UAP1L1: variants seen among roughly 807,000 people sequenced by gnomAD.
UAP1L1 encodes UDP-N-acetylglucosamine pyrophosphorylase 1 like 1, also known as UDP-N-acetylhexosamine pyrophosphorylase-like protein 1.
Under a neutral mutation model 45.3 loss-of-function variants are expected in UAP1L1, and 45 were observed. That is an observed-to-expected ratio of 0.99 (90% CI 0.78 to 1.27). UAP1L1 has a LOEUF of 1.27. Ranked by LOEUF, UAP1L1 falls within the 50% of genes most tolerant of loss-of-function variation. The pLI is 0.00. For missense variants in UAP1L1, 667 were observed against 694.0 expected (o/e 0.96, Z 0.44); for synonymous variants, 323 against 303.9 (o/e 1.06, Z -0.65).
chr9:137,079,086 CG>C lies in UAP1L1; in HGVS notation c.783del (p.Leu262TrpfsTer91). The C allele has an allele frequency of 1.2e-6, 2 of 1,611,352 alleles. No individual in the cohort carries two copies. Among genetic ancestry groups the C allele is most frequent in the Non-Finnish European group, 1.7e-6 (2 of 1,179,448 alleles). ...GTACTGTGTGGACAACATCCTGGTG[CG>C]GCTGGCGGACCCTGTCTTCATCGGC... ...HVYCVDNILV[R>X]LADPVFIGFC... is the part of the protein sequence containing the mutation. On this transcript the variant is annotated frameshift_variant, in exon 4 of 9. Transcript: ENST00000409858. LOFTEE classifies it high-confidence loss of function.
At chr9:137,080,556 G>A (rs1025823925) in intron 6 of UAP1L1, 133 bp from the exon 7 acceptor site, 11 of 871,656 alleles carry the variant, frequency 1.3e-5, no homozygotes, top group Middle Eastern at 2.7e-4. Context: ...CAGTACCTGC[G>A]GGGGCTCCTC....
Position 137,077,648 on chromosome 9 carries a change from C to A in UAP1L1, c.116C>A (p.Ala39Glu), listed in dbSNP as rs913626141. 5.4e-6 allele frequency: 7 copies of A among 1,302,446 alleles called. No individual in the cohort carries two copies. Among genetic ancestry groups the A allele is most frequent in the Non-Finnish European group, 6.9e-6 (7 of 1,012,728 alleles). The allele number at this position is 1,302,446 out of a possible 1,614,324, so 80.7% of individuals were successfully genotyped here. ...EPRAALLAEL[A>E]LLEPEALREH... is the part of the protein sequence containing the mutation. The stretch of plus-strand genomic sequence containing the variant: ...CGAGCCGCGCTGCTGGCGGAGCTGG[C>A]GCTGCTGGAGCCCGAGGCGCTGCGC... Residue 39 changes from alanine to glutamate, a missense_variant, in exon 1 of 9, where the codon GCG (alanine) becomes GAG (glutamate). Ala to Glu is a moderately radical substitution (Grantham distance 107). Coordinates refer to ENST00000409858, the MANE Select transcript of UAP1L1 (RefSeq NM_207309.3). The surrounding 1 kb of genome is among the most constrained non-coding windows in gnomAD (Gnocchi z 4.7).
At chr9:137,078,280 C>T in intron 2 of UAP1L1, 26 bp downstream of exon 2, 1 of 1,520,116 alleles carries the variant, frequency 6.6e-7, no homozygotes, top group Non-Finnish European at 8.8e-7. Flanking sequence ...CCTACCTCGG[C>T]CCGGAGGTAC....
At chr9:137,080,993 G>T in intron 7 of UAP1L1, 119 bp downstream of exon 7, 1 of 1,051,582 alleles carries the variant, frequency 9.5e-7, no homozygotes, top group Non-Finnish European at 1.3e-6. Flanking sequence ...TTCCTTCCCG[G>T]CACCACCGCA....
Position 137,078,546 on chromosome 9 carries a change from T to G in UAP1L1, c.539T>G (p.Phe180Cys). 1 of 1,613,186 alleles carries G rather than the reference T, an allele frequency of 6.2e-7. No homozygotes were observed. The highest frequency in any genetic ancestry group is 2.2e-5 in the East Asian group (1 of 44,882). Residue 180 changes from phenylalanine to cysteine, a missense_variant, in exon 3 of 9, where the codon TTC becomes TGC. Transcript: ENST00000409858. The stretch of plus-strand genomic sequence containing the variant: ...TTCACTCTGGGGCCCACGGCCGAGT[T>G]CTTCAGGGAGCACAACTTCTTCCAC... ...SEFTLGPTAE[F>C]FREHNFFHLD...
At chr9:137,079,723 G>GTC in intron 5 of UAP1L1, 1 of 584,210 alleles carries the variant, frequency 1.7e-6, no homozygotes, top group East Asian at 2.9e-5. Context: ...GACCTGCCCT[G>GTC]GTGCCCAGGG....
chr9:137,078,897 C>G (rs1300267979), intron 3 of UAP1L1, 79 bp from the exon 4 acceptor site: 2 of 1,488,262 alleles, frequency 1.3e-6, no homozygotes, highest in East Asian at 4.6e-5. Flanking sequence ...GGGCTTCCCC[C>G]GCCTCCAGCA....
rs1832741549 is a variant in UAP1L1, at chr9:137,078,970, C to T, written c.671-6C>T. On this transcript the variant is annotated splice_region_variant and splice_polypyrimidine_tract_variant and intron_variant, in intron 3 of 8. Transcript: ENST00000409858. The stretch of plus-strand genomic sequence containing the variant: ...TCGCGATGCCCATTCCCTTCTCCGT[C>T]TGCAGACGGCAACGGGGGCCTCTAC... The T allele has an allele frequency of 3.2e-6, 5 of 1,583,032 alleles. No homozygotes were observed. The highest frequency in any genetic ancestry group is 4.3e-6 in the Non-Finnish European group (5 of 1,170,212).
Position 137,078,187 on chromosome 9 carries a change from G to A in UAP1L1, c.427G>A (p.Ala143Thr). The A allele has an allele frequency of 1.3e-6, 2 of 1,549,888 alleles. No individual in the cohort carries two copies. The highest frequency in any genetic ancestry group is 8.7e-7 in the Non-Finnish European group (1 of 1,146,798). Residue 143 changes from alanine to threonine, a missense_variant, in exon 2 of 9, where the codon GCG (alanine) becomes ACG (threonine). Transcript: ENST00000409858. ...PSRKTLYQLQAERIRRVEQLA... is the reference protein window; with the variant it reads ...PSRKTLYQLQTERIRRVEQLA... ...CCGGAAGACCCTGTACCAGCTGCAGGCGGAGCGGATTCGGCGGGTGGAGCA... is the reference window on the plus strand; with the variant it reads ...CCGGAAGACCCTGTACCAGCTGCAGACGGAGCGGATTCGGCGGGTGGAGCA...
intron 4 of UAP1L1, 50 bp downstream of exon 4, chr9:137,079,198 TCA>T (rs779904381): frequency 1.3e-6 from 2 of 1,575,096 alleles, no homozygotes; most frequent in African/African-American, 1.4e-5. Context: ...GCCCCGCCCC[TCA>T]CGGAGCCCCG....
intron 5 of UAP1L1, 26 bp from the exon 6 acceptor site, chr9:137,079,976 C>T (rs1397692084): frequency 6.2e-7 from 1 of 1,611,456 alleles, no homozygotes; most frequent in East Asian, 2.2e-5. Context: ...TGTTTCTTTC[C>T]TCCCCTCTGC....
chr9:137,082,799 C>G lies in UAP1L1; in HGVS notation c.*70C>G, dbSNP rs1832812621. Reference sequence around the variant, plus strand: ...GGCATCCTGGAAGTCCCGACTCCCCCCAGACCTGCCAGCCCCGGCGTCCTG... The same window carrying G: ...GGCATCCTGGAAGTCCCGACTCCCCGCAGACCTGCCAGCCCCGGCGTCCTG... On this transcript the variant is annotated 3_prime_UTR_variant, in exon 9 of 9. Coordinates refer to ENST00000409858, the MANE Select transcript of UAP1L1 (RefSeq NM_207309.3). This position sits in a 1 kb window ranked among gnomAD's most constrained non-coding sequence, Gnocchi z 5.7. 3.1e-6 allele frequency: 4 copies of G among 1,303,456 alleles called. No individual in the cohort carries two copies. Among genetic ancestry groups the G allele is most frequent in the Admixed American group, 2.0e-5 (1 of 49,228 alleles). The allele number at this position is 1,303,456 out of a possible 1,614,324, so 80.7% of individuals were successfully genotyped here.
Position 137,084,491 on chromosome 9 carries a change from T to G in UAP1L1, c.*1762T>G, listed in dbSNP as rs1307150182. ...GCCGGGCCGGTTGCTGGCATCTTAA[T>G]GTTCTGTAGGTGGAATATTTCCAAT... is the stretch of plus-strand genomic sequence containing the variant. On this transcript the variant is annotated 3_prime_UTR_variant, in exon 9 of 9. Coordinates refer to ENST00000409858, the MANE Select transcript of UAP1L1 (RefSeq NM_207309.3). 6.6e-6 allele frequency: 1 copy of G among 152,224 alleles called. No homozygotes were observed. The highest frequency in any genetic ancestry group is 1.9e-4 in the East Asian group (1 of 5,192). The allele number at this position is 152,224 out of a possible 1,614,324, so 9.4% of individuals were successfully genotyped here. A position where few individuals can be genotyped will look rare whatever the true frequency, so the allele number is the denominator to read the frequency against.
At chr9:137,079,967 G>A (rs1832765366) in intron 5 of UAP1L1, 35 bp from the exon 6 acceptor site, 1 of 1,610,826 alleles carries the variant, frequency 6.2e-7, no homozygotes, top group Admixed American at 1.7e-5. Context: ...TATCTGATCT[G>A]TTTCTTTCCT....
rs1477954205 is a variant in UAP1L1, at chr9:137,078,065, C to T, written c.305C>T (p.Ser102Phe). ...GTACCCCCAGGTTTCCGTCAGATTT[C>T]TCTGAACAAGGTGGCCGTCCTGCTG... is the stretch of plus-strand genomic sequence containing the variant. ...RWEEEGFRQI[S>F]LNKVAVLLLA... Residue 102 changes from serine (S) to phenylalanine (F), a missense_variant, in exon 2 of 9, where the codon TCT becomes TTT. Physicochemically the swap from Ser to Phe is radical, Grantham distance 155. Transcript: ENST00000409858. 6.5e-7 allele frequency: 1 copy of T among 1,549,744 alleles called. No individual in the cohort carries two copies. Among genetic ancestry groups the T allele is most frequent in the Non-Finnish European group, 8.7e-7 (1 of 1,146,898 alleles).
chr9:137,079,510 C>A, intron 5 of UAP1L1, 61 bp downstream of exon 5: 1 of 1,506,150 alleles, frequency 6.6e-7, no homozygotes, highest in Non-Finnish European at 8.9e-7. Flanking sequence ...ACCAGGGACC[C>A]GCGGGGTCCC....
In UAP1L1 at chr9:137,082,107, G is replaced by A; in HGVS notation, c.1431+43G>A. On this transcript the variant is annotated intron_variant, in intron 8 of 8. Coordinates refer to ENST00000409858, the MANE Select transcript of UAP1L1 (RefSeq NM_207309.3). This position sits in a 1 kb window ranked among gnomAD's most constrained non-coding sequence, Gnocchi z 5.7. ...CTATCTGGGGCTTTTCTGGTGTCAG[G>A]TTTGGAATACCATCTGGGGAGAGGT... The A allele has an allele frequency of 6.3e-7, 1 of 1,598,024 alleles. No homozygotes were observed. Among genetic ancestry groups the A allele is most frequent in the Non-Finnish European group, 8.6e-7 (1 of 1,165,502 alleles).
Position 137,083,810 on chromosome 9 carries a change from A to G in UAP1L1, c.*1081A>G, listed in dbSNP as rs1832827893. ...GACATGAAGAGAGCTATGATATGCC[A>G]CTGCTGCCAACTCATCCTCTGCCCC... On this transcript the variant is annotated 3_prime_UTR_variant, in exon 9 of 9. Coordinates refer to ENST00000409858, the MANE Select transcript of UAP1L1 (RefSeq NM_207309.3). The G allele has an allele frequency of 6.6e-6, 1 of 152,226 alleles. No homozygotes were observed. Among genetic ancestry groups the G allele is most frequent in the African/African-American group, 2.4e-5 (1 of 41,414 alleles). The allele number at this position is 152,226 out of a possible 1,614,324, so 9.4% of individuals were successfully genotyped here. A position where few individuals can be genotyped will look rare whatever the true frequency, so the allele number is the denominator to read the frequency against.
rs763918942 is a variant in UAP1L1, at chr9:137,078,592, C to A, written c.585C>A (p.Val195=). Residue 195 remains valine (V), a synonymous_variant, in exon 3 of 9, where the codon GTC becomes GTA. Coordinates refer to ENST00000409858, the MANE Select transcript of UAP1L1 (RefSeq NM_207309.3). ...NFFHLDPANV[V]MFEQRLLPAV... Reference sequence around the variant, plus strand: ...TCCACCTGGACCCCGCCAACGTGGTCATGTTTGAGCAGCGCCTGCTGCCTG... The same window carrying A: ...TCCACCTGGACCCCGCCAACGTGGTAATGTTTGAGCAGCGCCTGCTGCCTG... The A allele has an allele frequency of 4.3e-6, 7 of 1,613,054 alleles. No homozygotes were observed. Among genetic ancestry groups the A allele is most frequent in the Non-Finnish European group, 5.9e-6 (7 of 1,180,028 alleles).
Sources: allele counts gnomAD v4.1 joint callset, GRCh38; gene constraint gnomAD v4.1.1; non-coding constraint Gnocchi (gnomAD v3.1); transcripts MANE v1.5; gene names NCBI Gene and HGNC (gene_info 2026-07-23, HGNC 2026-07-21).